PTPRJ: variants seen among roughly 807,000 people sequenced by gnomAD.
PTPRJ encodes the protein receptor-type tyrosine-protein phosphatase eta.
PTPRJ carries 129 observed loss-of-function variants against 141.3 expected under a neutral mutation model. The observed-to-expected ratio is 0.91, with a 90% CI of 0.79 to 1.06. The LOEUF is 1.06. Among genes scored for constraint, PTPRJ ranks in the 50% least tolerant of loss-of-function variants. The pLI, the probability that PTPRJ is intolerant of heterozygous loss-of-function variation, is 0.00. For synonymous variants in PTPRJ, 610 were observed against 640.5 expected, an observed-to-expected ratio of 0.95 and a Z score of 0.72; for missense variants, 1,601 against 1,679.7, an observed-to-expected ratio of 0.95 and a Z score of 0.82.
At chr11:47,997,741 C>T (rs1441024960) in intron 1 of PTPRJ, among the ~76,000 whole-genome samples, 1 of 152,130 alleles carries the variant, frequency 6.6e-6, no homozygotes, top group East Asian at 1.9e-4. Context: ...GTTCCTTCCA[C>T]ACAAGAGATA....
At chr11:48,094,736 T>A (rs1855960568) in intron 1 of PTPRJ, among the ~76,000 whole-genome samples, 1 of 152,176 alleles carries the variant, frequency 6.6e-6, no homozygotes, top group South Asian at 2.1e-4. Flanking sequence ...TTTAAGGATG[T>A]GTTTGGGGCG....
chr11:48,022,910 T>A (rs1379079957), intron 1 of PTPRJ, among the ~76,000 whole-genome samples: 3 of 151,914 alleles, frequency 2.0e-5, no homozygotes, highest in Non-Finnish European at 4.4e-5. Context: ...GAGGGGAAGC[T>A]GGTGGGGATA....
intron 1 of PTPRJ, among the ~76,000 whole-genome samples, chr11:47,989,702 G>A (rs1006057765): frequency 1.3e-5 from 2 of 151,510 alleles, no homozygotes; most frequent in African/African-American, 4.9e-5. Context: ...TTAGTCCTTC[G>A]ATTGTCATTT....
Position 47,980,735 on chromosome 11 carries a change from C to T in PTPRJ, c.-178C>T. 5 of 1,007,586 alleles carry T rather than the reference C, an allele frequency of 5.0e-6. No homozygotes were observed. In the South Asian group the frequency reaches 2.3e-4, roughly 47 times the overall value. 62.4% of individuals were successfully genotyped at this position (1,007,586 alleles called of 1,614,324 possible). The stretch of plus-strand genomic sequence containing the variant: ...GGCTCCGGCGTGTGGCCGCGGCCGC[C>T]GCCGCCGCTGCCATGTCTCCGGGGA... On this transcript the variant is annotated 5_prime_UTR_variant, in exon 1 of 25. Coordinates refer to ENST00000418331, the MANE Select transcript of PTPRJ (RefSeq NM_002843.4).
chr11:48,074,984 A>T (rs1855362323), intron 1 of PTPRJ, among the ~76,000 whole-genome samples: 2 of 152,128 alleles, frequency 1.3e-5, no homozygotes, highest in Admixed American at 1.3e-4. Context: ...TCGTTTGGCC[A>T]GGTTCCTTTG....
intron 2 of PTPRJ, among the ~76,000 whole-genome samples, chr11:48,111,538 T>G (rs972190441): frequency 1.3e-5 from 2 of 152,200 alleles, no homozygotes; most frequent in Non-Finnish European, 2.9e-5. Context: ...TTAGAGCCTG[T>G]GCAAACAATG....
chr11:48,133,881 A>G (rs528400941), intron 8 of PTPRJ, among the ~76,000 whole-genome samples: 7 of 152,358 alleles, frequency 4.6e-5, no homozygotes, highest in African/African-American at 1.7e-4. Flanking sequence ...GATTCCACTT[A>G]CATGAGTACC....
chr11:48,013,328 GC>G (rs1720665972), intron 1 of PTPRJ, among the ~76,000 whole-genome samples: 1 of 152,060 alleles, frequency 6.6e-6, no homozygotes, highest in Non-Finnish European at 1.5e-5. Context: ...CAGGCTTGGA[GC>G]GCAGCAGCAT....
At chr11:47,992,432 C>T (rs1231941606) in intron 1 of PTPRJ, among the ~76,000 whole-genome samples, 2 of 152,140 alleles carry the variant, frequency 1.3e-5, no homozygotes, top group African/African-American at 2.4e-5. Flanking sequence ...CTTGGCCTCC[C>T]AAAGTGCTGG....
intron 1 of PTPRJ, among the ~76,000 whole-genome samples, chr11:48,030,832 A>G (rs951230122): frequency 1.3e-5 from 2 of 152,230 alleles, no homozygotes; most frequent in Admixed American, 6.5e-5. Context: ...GGGAAGTTCC[A>G]TGGAACACTT....
chr11:48,006,602 G>A (rs1475650684), intron 1 of PTPRJ, among the ~76,000 whole-genome samples: 1 of 152,174 alleles, frequency 6.6e-6, no homozygotes, highest in Non-Finnish European at 1.5e-5. Context: ...GACTCACACA[G>A]TGTCAGCAGC....
intron 1 of PTPRJ, among the ~76,000 whole-genome samples, chr11:48,028,420 G>GTTTTAAA (rs1347737241): frequency 6.6e-6 from 1 of 152,200 alleles, no homozygotes; most frequent in African/African-American, 2.4e-5. Context: ...AAAACCTTGT[G>GTTTTAAA]TGGGCTGGGT....
chr11:48,077,834 G>A (rs144757643), intron 1 of PTPRJ, among the ~76,000 whole-genome samples: 1 of 152,138 alleles, frequency 6.6e-6, no homozygotes, highest in Non-Finnish European at 1.5e-5. Context: ...GTTCTCCAGC[G>A]ATTTGTAACC....
chr11:48,073,852 T>C (rs964527549), intron 1 of PTPRJ, among the ~76,000 whole-genome samples: 1 of 152,246 alleles, frequency 6.6e-6, no homozygotes, highest in Non-Finnish European at 1.5e-5. Context: ...CCATTCACTT[T>C]GCAAATCTTT....
At position 47,980,697 on chromosome 11, in the gene PTPRJ, G is replaced by C. The variant is rs927652560; in HGVS notation, c.-216G>C. On this transcript the variant is annotated 5_prime_UTR_variant, in exon 1 of 25. Coordinates refer to ENST00000418331, the MANE Select transcript of PTPRJ (RefSeq NM_002843.4). ...GCGCTCAGGGACGCGGCCCCCCCGC[G>C]GCAGCCGCGCTAGGCTCCGGCGTGT... The C allele has an allele frequency of 1.0e-6, 1 of 992,616 alleles. No homozygotes were observed. Among genetic ancestry groups the C allele is most frequent in the African/African-American group, 1.8e-5 (1 of 57,012 alleles). 61.5% of individuals were successfully genotyped at this position (992,616 alleles called of 1,614,324 possible).
At chr11:48,121,300 C>A (rs201977933) in intron 4 of PTPRJ, 34 bp downstream of exon 4, 3 of 1,605,208 alleles carry the variant, frequency 1.9e-6, no homozygotes, top group Non-Finnish European at 2.6e-6. Context: ...TGATGACAAA[C>A]CATTTCTTAT....
chr11:48,146,802 C>T (rs1283525983), intron 14 of PTPRJ, 74 bp from the exon 15 acceptor site: 4 of 1,212,760 alleles, frequency 3.3e-6, no homozygotes, highest in Non-Finnish European at 4.9e-6. Context: ...GTTAGGGTCC[C>T]AGGCCAGTTT....
chr11:48,070,052 A>G (rs1270279206), intron 1 of PTPRJ, among the ~76,000 whole-genome samples: 2 of 152,226 alleles, frequency 1.3e-5, no homozygotes, highest in African/African-American at 2.4e-5. Flanking sequence ...AACATTCACC[A>G]TATCTCAATA....
chr11:48,062,490 G>A (rs932427418), intron 1 of PTPRJ, among the ~76,000 whole-genome samples: 2 of 151,832 alleles, frequency 1.3e-5, no homozygotes, highest in African/African-American at 4.8e-5. Flanking sequence ...TCCAGCCTGG[G>A]CGACAGAGCG....
Sources: gnomAD v4.1 joint callset for allele counts (sites outside exome capture counted in the v4.1 genomes callset) on GRCh38, gnomAD v4.1.1 for gene constraint, MANE v1.5 for transcripts, NCBI Gene and HGNC (gene_info 2026-07-23, HGNC 2026-07-21) for gene names.